The following PSORS1C1 variants were observed in gnomAD, a reference collection of about 807,000 sequenced individuals.
PSORS1C1 encodes psoriasis susceptibility 1 candidate gene 1 protein.
PSORS1C1 carries 7 observed loss-of-function variants against 9.4 expected under a neutral mutation model. The observed-to-expected ratio is 0.75, with a 90% CI of 0.42 to 1.40. The LOEUF (loss-of-function observed/expected upper bound fraction) is 1.40. Among genes scored for constraint, PSORS1C1 ranks in the 40% most tolerant of loss-of-function variants. The pLI, the probability that PSORS1C1 is intolerant of heterozygous loss-of-function variation, is 0.01. For synonymous variants in PSORS1C1, 63 were observed against 69.4 expected (o/e 0.91, Z 0.46); for missense variants, 146 against 178.1 (o/e 0.82, Z 1.02).
intron 2 of PSORS1C1, among the ~76,000 whole-genome samples, chr6:31,127,448 A>C (rs941523659): frequency 2.6e-5 from 4 of 152,122 alleles, no homozygotes. Flanking sequence ...GGACTAGAAC[A>C]TCTTCACCAG....
intron 3 of PSORS1C1, chr6:31,138,018 G>T (rs762711879): frequency 2.8e-5 from 42 of 1,525,352 alleles, no homozygotes; most frequent in Non-Finnish European, 3.5e-5. Flanking sequence ...CACCTCAGGG[G>T]CAGGAGGCCA....
intron 1 of PSORS1C1, chr6:31,117,463 G>A (rs1047462198): frequency 6.4e-7 from 1 of 1,555,018 alleles, no homozygotes; most frequent in Non-Finnish European, 8.7e-7. Context: ...GGGGTCGTTA[G>A]GGGAGGTGAT....
chr6:31,127,606 C>T (rs1030841550), intron 2 of PSORS1C1, among the ~76,000 whole-genome samples: 6 of 69,880 alleles, frequency 8.6e-5, no homozygotes, highest in Middle Eastern at 0.013. Context: ...GATGGAGTTT[C>T]GCTCGTAGCC....
intron 1 of PSORS1C1, chr6:31,120,384 C>T (rs1469447163): frequency 1.9e-6 from 3 of 1,594,248 alleles, no homozygotes. Context: ...CGTGCCCACC[C>T]ACACGCCCCA....
chr6:31,137,433 G>A (rs2150977637), intron 3 of PSORS1C1: 1 of 152,526 alleles, frequency 6.6e-6, no homozygotes, highest in Non-Finnish European at 1.5e-5. Flanking sequence ...CAGCCTGGGC[G>A]ACAGAGCGAG....
intron 1 of PSORS1C1, among the ~76,000 whole-genome samples, chr6:31,123,886 C>T (rs1772567027): frequency 6.6e-6 from 1 of 152,186 alleles, no homozygotes; most frequent in African/African-American, 2.4e-5. Flanking sequence ...AGTGGAGAAG[C>T]GGGTAGGCAC....
In PSORS1C1 at chr6:31,139,446, G is replaced by T; in HGVS notation, c.168-195G>T. ...TGGGAAGCACCGTAATTACAGGGTTGGGAGGCAGGATGCCTGCGCTGAGGG... is the reference window on the plus strand; with the variant it reads ...TGGGAAGCACCGTAATTACAGGGTTTGGAGGCAGGATGCCTGCGCTGAGGG... On this transcript the variant is annotated intron_variant, in intron 5 of 5. Coordinates refer to ENST00000259881, the MANE Select transcript of PSORS1C1 (RefSeq NM_014068.3). The surrounding 1 kb of genome is among the most constrained non-coding windows in gnomAD (Gnocchi z 5.2). 1.6e-6 allele frequency: 1 copy of T among 606,538 alleles called. No homozygotes were observed. The highest frequency in any genetic ancestry group is 2.9e-6 in the Non-Finnish European group (1 of 342,844). 37.6% of individuals were successfully genotyped at this position (606,538 alleles called of 1,614,324 possible). A position where few individuals can be genotyped will look rare whatever the true frequency, so the allele number is the denominator to read the frequency against.
rs759581361 is a variant in PSORS1C1 at position 31,138,416 on chromosome 6, T to C, written c.14-14T>C. The C allele has an allele frequency of 1.3e-6, 2 of 1,492,054 alleles. No individual in the cohort carries two copies. The highest frequency in any genetic ancestry group is 1.4e-5 in the African/African-American group (1 of 69,390). The allele number at this position is 1,492,054 out of a possible 1,614,324, so 92.4% of individuals were successfully genotyped here. On this transcript the variant is annotated splice_polypyrimidine_tract_variant and intron_variant, in intron 3 of 5. Transcript: ENST00000259881. ...CTGTCTGGATGGACGCAGCCTGAAC[T>C]GACCCACAAACAGACCAAAAAAGTC...
chr6:31,120,205 C>T (rs1772378138), intron 1 of PSORS1C1: 1 of 717,852 alleles, frequency 1.4e-6, no homozygotes, highest in African/African-American at 1.8e-5. Context: ...CCTGAGGCGA[C>T]CATACAGTGA....
intron 3 of PSORS1C1, among the ~76,000 whole-genome samples, chr6:31,130,265 T>G (rs1488665009): frequency 1.3e-5 from 2 of 151,636 alleles, no homozygotes; most frequent in Non-Finnish European, 2.9e-5. Flanking sequence ...GGCACAATTT[T>G]TTTTTTTTTT....
At position 31,136,339 on chromosome 6, in the gene PSORS1C1, ATC is replaced by A. The variant is rs575570492; in HGVS notation, c.14-2089_14-2088del. On this transcript the variant is annotated intron_variant, in intron 3 of 5. Transcript: ENST00000259881. ...GAGGCGAAGGTTGCAGTGAGCTGATATCTGTCGTGCCACTGCACTCCAGCCTG... is the reference window on the plus strand; with the variant it reads ...GAGGCGAAGGTTGCAGTGAGCTGATATGTCGTGCCACTGCACTCCAGCCTG... 5.4e-5 allele frequency among the ~76,000 whole-genome samples: 8 copies of A among 147,224 alleles called. No individual in the cohort carries two copies. In the East Asian group the frequency reaches 1.0e-3, roughly 19 times the overall value.
rs909283794 is a variant in PSORS1C1, at chr6:31,137,924, G to C, written c.14-506G>C. 3 of 1,239,220 alleles carry C rather than the reference G, an allele frequency of 2.4e-6. No homozygotes were observed. In the African/African-American group the frequency reaches 4.6e-5, roughly 19 times the overall value. 76.8% of individuals were successfully genotyped at this position (1,239,220 alleles called of 1,614,324 possible). A position where few individuals can be genotyped will look rare whatever the true frequency, so the allele number is the denominator to read the frequency against. On this transcript the variant is annotated intron_variant, in intron 3 of 5. Coordinates refer to ENST00000259881, the MANE Select transcript of PSORS1C1 (RefSeq NM_014068.3). ...AGGGCGTGGGTGCCTGGAGATGCCT[G>C]GGAACAGAACGGCTGAGGGGACTCC...
intron 2 of PSORS1C1, among the ~76,000 whole-genome samples, chr6:31,127,311 G>A (rs6932086): frequency 0.13 from 19,867 of 151,988 alleles, 1,425 homozygotes; most frequent in Middle Eastern, 0.24. Context: ...CTCACAGGAG[G>A]GAGCTTCTCC....
At chr6:31,125,355 A>G (rs3094200) in intron 1 of PSORS1C1, among the ~76,000 whole-genome samples, 78,244 of 151,718 alleles carry the variant, frequency 0.52, 21,331 homozygotes, top group African/African-American at 0.69. Context: ...TGCAGCCACA[A>G]CAACACCCTC....
chr6:31,137,229 G>C (rs1773184184), intron 3 of PSORS1C1, among the ~76,000 whole-genome samples: 1 of 152,174 alleles, frequency 6.6e-6, no homozygotes, highest in Non-Finnish European at 1.5e-5. Context: ...GGCCCAGGCG[G>C]GCAGATCACG....
At chr6:31,129,499 T>G (rs1471863327) in intron 2 of PSORS1C1, 70 bp from the exon 3 acceptor site, 3 of 720,608 alleles carry the variant, frequency 4.2e-6, no homozygotes, top group Non-Finnish European at 7.7e-6. Flanking sequence ...TGCCTATTAA[T>G]AGGTACTAAA....
intron 1 of PSORS1C1, chr6:31,116,973 G>A: frequency 1.2e-6 from 2 of 1,614,242 alleles, no homozygotes; most frequent in Non-Finnish European, 1.7e-6. Context: ...AGGGACGCTG[G>A]TTGGAGCTGA....
chr6:31,123,386 G>A (rs3132542), intron 1 of PSORS1C1, among the ~76,000 whole-genome samples: 71,405 of 152,152 alleles, frequency 0.47, 18,231 homozygotes, highest in African/African-American at 0.68. Flanking sequence ...GCAGGTGGTG[G>A]AGACCTAAAG....
chr6:31,138,861 T>A, intron 5 of PSORS1C1, 82 bp downstream of exon 5: 1 of 1,604,370 alleles, frequency 6.2e-7, no homozygotes, highest in Non-Finnish European at 8.5e-7. Flanking sequence ...AGATGCACCT[T>A]CTGCGTCCCC....
Sources: allele counts gnomAD v4.1 joint callset (sites outside exome capture counted in the v4.1 genomes callset), GRCh38; gene constraint gnomAD v4.1.1; non-coding constraint Gnocchi (gnomAD v3.1); transcripts MANE v1.5; gene names NCBI Gene and HGNC (gene_info 2026-07-23, HGNC 2026-07-21).